Variants in PSMA8 observed in about 807,000 individuals in gnomAD.
The protein encoded by PSMA8 is proteasome subunit alpha-type 8.
A neutral mutation model predicts 32.4 loss-of-function variants in PSMA8; 18 were observed. The ratio of observed to expected loss-of-function variants is 0.56; its 90% CI spans 0.38 to 0.82. The LOEUF is 0.82. PSMA8 is among the 40% of genes least tolerant of loss of function. The pLI is 0.00. For missense variants in PSMA8, 298 were observed against 300.7 expected, an observed-to-expected ratio of 0.99 and a Z score of 0.07; for synonymous variants, 104 against 98.1, an observed-to-expected ratio of 1.06 and a Z score of -0.36.
chr18:26,149,590 A>G (rs1309651787), intron 2 of PSMA8, among the ~76,000 whole-genome samples: 1 of 152,238 alleles, frequency 6.6e-6, no homozygotes, highest in East Asian at 1.9e-4. Context: ...ACATGTAACT[A>G]ATGGAATTGA....
chr18:26,156,873 A>G (rs1276477795), intron 3 of PSMA8, among the ~76,000 whole-genome samples: 1 of 150,544 alleles, frequency 6.6e-6, no homozygotes, highest in Non-Finnish European at 1.5e-5. Flanking sequence ...TGAAGCCTCA[A>G]CCTCCCAGGC....
rs551089733 is a variant in PSMA8, at chr18:26,188,837, A to T, written c.661-3482A>T. On this transcript the variant is annotated intron_variant, in intron 6 of 6. Transcript: ENST00000415576. ...ATCTCTCACCATATATAAAAAATCA[A>T]AAAAGAATAGATTAAAGACTTAAGC... 2.0e-5 allele frequency among the ~76,000 whole-genome samples: 3 copies of T among 152,308 alleles called. No homozygotes were observed. The South Asian group carries it at 6.2e-4, about 32-fold the overall frequency.
intron 6 of PSMA8, among the ~76,000 whole-genome samples, chr18:26,184,981 A>G (rs1270505738): frequency 2.0e-5 from 3 of 146,706 alleles, no homozygotes; most frequent in African/African-American, 2.5e-5. Flanking sequence ...TCAGCTATTC[A>G]GGGGGCTGAG....
chr18:26,187,965 C>T (rs1433195216), intron 6 of PSMA8, among the ~76,000 whole-genome samples: 2 of 152,064 alleles, frequency 1.3e-5, no homozygotes, highest in African/African-American at 2.4e-5. Context: ...ACATTTCATC[C>T]AACAGCTGCA....
chr18:26,183,210 G>A (rs2055326574), intron 6 of PSMA8, among the ~76,000 whole-genome samples: 1 of 149,652 alleles, frequency 6.7e-6, no homozygotes, highest in African/African-American at 2.5e-5. Flanking sequence ...TGATCAATAT[G>A]GTGAAACCCT....
chr18:26,133,929 C>G lies in PSMA8; in HGVS notation c.-37C>G. 6.4e-7 allele frequency: 1 copy of G among 1,552,360 alleles called. No individual in the cohort carries two copies. Among genetic ancestry groups the G allele is most frequent in the Non-Finnish European group, 8.9e-7 (1 of 1,125,556 alleles). ...TCCCCGCTTGCCTCAGCTGCAGCAG[C>G]GGGAAGCTCGGTGGCAAGCCCTTGT... On this transcript the variant is annotated 5_prime_UTR_variant, in exon 1 of 7. Transcript: ENST00000415576.
intron 3 of PSMA8, among the ~76,000 whole-genome samples, chr18:26,156,197 G>C (rs1030063566): frequency 5.9e-5 from 9 of 152,066 alleles, no homozygotes; most frequent in African/African-American, 1.9e-4. Context: ...ATACGCTGTT[G>C]GTGGAAATGT....
At chr18:26,148,431 T>C (rs557444884) in intron 2 of PSMA8, among the ~76,000 whole-genome samples, 1 of 151,940 alleles carries the variant, frequency 6.6e-6, no homozygotes, top group South Asian at 2.1e-4. Flanking sequence ...ATTATATAAA[T>C]TATATAGAAA....
At chr18:26,173,692 G>A (rs2055242762) in intron 4 of PSMA8, among the ~76,000 whole-genome samples, 2 of 152,032 alleles carry the variant, frequency 1.3e-5, no homozygotes, top group African/African-American at 4.8e-5. Flanking sequence ...AAGTAGCTGG[G>A]ATTACAGGCA....
At chr18:26,182,921 G>A (rs1184649767) in intron 6 of PSMA8, among the ~76,000 whole-genome samples, 2 of 151,856 alleles carry the variant, frequency 1.3e-5, no homozygotes, top group Non-Finnish European at 2.9e-5. Context: ...GTGAAACCCC[G>A]TCTCTACCAC....
At chr18:26,154,591 GT>G (rs1402323077) in intron 3 of PSMA8, among the ~76,000 whole-genome samples, 1 of 151,890 alleles carries the variant, frequency 6.6e-6, no homozygotes, top group African/African-American at 2.4e-5. Context: ...ACCTTTTGTA[GT>G]TTTGGGTTTT....
At chr18:26,163,251 A>ATATATATAT (rs2055152809) in intron 4 of PSMA8, among the ~76,000 whole-genome samples, 3 of 87,776 alleles carry the variant, frequency 3.4e-5, no homozygotes, top group African/African-American at 1.4e-4. Context: ...ATATATATAT[A>ATATATATAT]TATATATATA....
chr18:26,152,948 T>C (rs1305501744), intron 3 of PSMA8, among the ~76,000 whole-genome samples: 1 of 152,204 alleles, frequency 6.6e-6, no homozygotes. Flanking sequence ...TTTCCAGAAC[T>C]GTAAGAAGCA....
chr18:26,150,760 T>C (rs954622995), intron 2 of PSMA8, among the ~76,000 whole-genome samples: 1 of 152,242 alleles, frequency 6.6e-6, no homozygotes, highest in Non-Finnish European at 1.5e-5. Flanking sequence ...TATTACTACT[T>C]TCCTAAGTAT....
chr18:26,172,633 A>C (rs2055232176), intron 4 of PSMA8, among the ~76,000 whole-genome samples: 1 of 152,172 alleles, frequency 6.6e-6, no homozygotes, highest in Non-Finnish European at 1.5e-5. Context: ...TGGGGTATCC[A>C]ATCCATTATT....
At chr18:26,156,826 A>G (rs1297888868) in intron 3 of PSMA8, among the ~76,000 whole-genome samples, 3 of 151,042 alleles carry the variant, frequency 2.0e-5, no homozygotes, top group Non-Finnish European at 4.4e-5. Flanking sequence ...TCACTCTGTC[A>G]CCCAGGCTGG....
chr18:26,175,414 A>G (rs138788189), intron 4 of PSMA8, among the ~76,000 whole-genome samples: 2 of 152,322 alleles, frequency 1.3e-5, no homozygotes, highest in East Asian at 3.9e-4. Flanking sequence ...AGTTGACACC[A>G]TGGAGTGCTC....
intron 3 of PSMA8, among the ~76,000 whole-genome samples, chr18:26,157,017 T>C (rs758334133): frequency 1.3e-5 from 2 of 151,094 alleles, no homozygotes; most frequent in Non-Finnish European, 2.9e-5. Context: ...ACTGCTGGGC[T>C]CAAGCGATCT....
In PSMA8 at chr18:26,137,025, T is replaced by C. The variant is rs114443700; in HGVS notation, c.102+2958T>C. ...AGTTCTAAAGCCCCTGCTCCTTGCA[T>C]TGTAGCATGAAATTTGTTCAATAAA... On this transcript the variant is annotated intron_variant, in intron 1 of 6. Coordinates refer to ENST00000415576, the MANE Select transcript of PSMA8 (RefSeq NM_001025096.2). Among the ~76,000 whole-genome samples, 190 of 152,340 alleles carry C rather than the reference T, an allele frequency of 1.2e-3. 1 individual carries two copies. The highest frequency in any genetic ancestry group is 4.3e-3 in the African/African-American group (177 of 41,578).
Sources: gnomAD v4.1 joint callset for allele counts (sites outside exome capture counted in the v4.1 genomes callset) on GRCh38, gnomAD v4.1.1 for gene constraint, MANE v1.5 for transcripts, NCBI Gene and HGNC (gene_info 2026-07-23, HGNC 2026-07-21) for gene names.